The following MYT1 variants were observed in gnomAD, a reference collection of about 807,000 sequenced individuals.
The protein encoded by MYT1 is myelin transcription factor I.
Under a neutral mutation model 123.0 loss-of-function variants are expected in MYT1, and 23 were observed. The ratio of observed to expected loss-of-function variants is 0.19; its 90% confidence interval spans 0.13 to 0.26. MYT1 has a LOEUF of 0.26. Among genes scored for constraint, MYT1 ranks in the 10% least tolerant of loss-of-function variants. The pLI is 1.00. For missense variants in MYT1, 1,125 were observed against 1,472.5 expected (o/e 0.76, Z 3.86); for synonymous variants, 518 against 575.3 (o/e 0.90, Z 1.43).
chr20:64,208,283 G>A lies in MYT1; in HGVS notation c.1087G>A (p.Val363Ile), dbSNP rs145376547. 6.2e-7 allele frequency: 1 copy of A among 1,614,174 alleles called. No homozygotes were observed. The highest frequency in any genetic ancestry group is 1.7e-5 in the Admixed American group (1 of 60,032). The change falls in exon 7 of 23, where the codon GTC becomes ATC. Residue 363 changes from valine to isoleucine, a missense_variant. Physicochemically the swap from Val to Ile is conservative, Grantham distance 29. This residue lies in a region of MYT1 where 429 missense variants were observed against 604.1 expected (regional missense o/e 0.71). Coordinates refer to ENST00000328439, the MANE Select transcript of MYT1 (RefSeq NM_004535.3). This position sits in a 1 kb window ranked among gnomAD's most constrained non-coding sequence, Gnocchi z 5.4. ...GGACACCCACTCCCGGAAGTCAACA[G>A]TCACTGACGAGTCGGAGATGCAGGA... ...DEDTHSRKST[V>I]TDESEMQDMM... is the part of the protein sequence containing the mutation.
Position 64,192,191 on chromosome 20 carries a change from C to G in MYT1, c.-1+2031C>G, listed in dbSNP as rs1285264775. On this transcript the variant is annotated intron_variant, in intron 2 of 22. Transcript: ENST00000328439. This position sits in a 1 kb window ranked among gnomAD's most constrained non-coding sequence, Gnocchi z 5.3. ...CGTGCCCAGGTTCTCGTGGCATCACCAGCTCTTTCATCACTGCTCTGTTTG... is the reference window on the plus strand; with the variant it reads ...CGTGCCCAGGTTCTCGTGGCATCACGAGCTCTTTCATCACTGCTCTGTTTG... Among the ~76,000 whole-genome samples, 1 of 152,228 alleles carries G rather than the reference C, an allele frequency of 6.6e-6. No individual in the cohort carries two copies. Among genetic ancestry groups the G allele is most frequent in the Non-Finnish European group, 1.5e-5 (1 of 68,048 alleles).
intron 1 of MYT1, among the ~76,000 whole-genome samples, chr20:64,181,664 G>A (rs1982655264): frequency 6.6e-6 from 1 of 152,168 alleles, no homozygotes; most frequent in African/African-American, 2.4e-5. Flanking sequence ...TTAGTCGAGG[G>A]AGCCTGAAGG....
chr20:64,208,211 G>A lies in MYT1; in HGVS notation c.1015G>A (p.Glu339Lys), dbSNP rs1456318138. The part of the protein sequence containing the change: ...RGPESPSPKP[E>K]YSVIVEVRSD... ...CCCAGAATCACCCAGTCCCAAGCCT[G>A]AGTACTCTGTTATTGTGGAGGTCCG... Residue 339 changes from glutamate to lysine, a missense_variant, in exon 7 of 23, where the codon GAG (glutamate) becomes AAG (lysine). Glu to Lys is a moderately conservative substitution (Grantham distance 56, BLOSUM62 1). Coordinates refer to ENST00000328439, the MANE Select transcript of MYT1 (RefSeq NM_004535.3). The surrounding 1 kb of genome is among the most constrained non-coding windows in gnomAD (Gnocchi z 5.4). 6.2e-7 allele frequency: 1 copy of A among 1,614,058 alleles called. No individual in the cohort carries two copies. Among genetic ancestry groups the A allele is most frequent in the Non-Finnish European group, 8.5e-7 (1 of 1,180,030 alleles).
Position 64,213,867 on chromosome 20 carries a change from A to G in MYT1, c.1631+220A>G, listed in dbSNP as rs541513126. Among the ~76,000 whole-genome samples, 66 of 152,316 alleles carry G rather than the reference A, an allele frequency of 4.3e-4. 2 individuals are homozygous for G. The South Asian group carries it at 0.012, about 29-fold the overall frequency. ...CCACACAGGACAGAGTCTCATGTCT[A>G]CCACATTCGCCAGTGCCTCAGCCAA... On this transcript the variant is annotated intron_variant, in intron 10 of 22. Coordinates refer to ENST00000328439, the MANE Select transcript of MYT1 (RefSeq NM_004535.3). The surrounding 1 kb of genome is among the most constrained non-coding windows in gnomAD (Gnocchi z 5.6).
At chr20:64,180,759 T>C (rs2145696372) in intron 1 of MYT1, among the ~76,000 whole-genome samples, 1 of 152,162 alleles carries the variant, frequency 6.6e-6, no homozygotes, top group East Asian at 1.9e-4. Flanking sequence ...TTTGTAGCGT[T>C]GAGCGTTATC....
At chr20:64,220,831 GAAGGGTAGGGGCTGGATCAGGCCCCTA>G (rs1983980261) in intron 13 of MYT1, among the ~76,000 whole-genome samples, 1 of 61,042 alleles carries the variant, frequency 1.6e-5, no homozygotes, top group Non-Finnish European at 3.7e-5. Context: ...AGGCCCCTAT[GAAGGGTAGGGGCTGGATCAGGCCCCTA>G]TGAAGGGTGG....
chr20:64,228,065 T>C, intron 18 of MYT1, 94 bp downstream of exon 18: 1 of 1,223,850 alleles, frequency 8.2e-7, no homozygotes, highest in Non-Finnish European at 1.2e-6. Context: ...GATTCCCTTT[T>C]CATTAATACA....
At chr20:64,228,042 A>C (rs1183779939) in intron 18 of MYT1, 71 bp downstream of exon 18, 28 of 1,436,118 alleles carry the variant, frequency 1.9e-5, no homozygotes, top group Non-Finnish European at 2.5e-5. Flanking sequence ...ATAATGTAAA[A>C]AAACTCCTAC....
chr20:64,167,698 C>T lies in MYT1; in HGVS notation c.-99+2959C>T, dbSNP rs1982123689. Among the ~76,000 whole-genome samples the T allele has an allele frequency of 6.6e-6, 1 of 152,198 alleles. No homozygotes were observed. The highest frequency in any genetic ancestry group is 2.4e-5 in the African/African-American group (1 of 41,434). ...CTGGGCGGGAGAGTGGAGCAGGGTG[C>T]CCGCAGGGGCTGGGGGGGCTCTTCT... On this transcript the variant is annotated intron_variant, in intron 1 of 22. Coordinates refer to ENST00000328439, the MANE Select transcript of MYT1 (RefSeq NM_004535.3). This position sits in a 1 kb window ranked among gnomAD's most constrained non-coding sequence, Gnocchi z 6.3.
intron 1 of MYT1, among the ~76,000 whole-genome samples, chr20:64,172,123 C>T (rs941712490): frequency 3.3e-5 from 5 of 152,180 alleles, no homozygotes; most frequent in Admixed American, 2.6e-4. Flanking sequence ...TGTTGGCTCT[C>T]GTGTACTGAC....
At chr20:64,195,870 T>C (rs1180843848) in intron 2 of MYT1, among the ~76,000 whole-genome samples, 2 of 152,226 alleles carry the variant, frequency 1.3e-5, no homozygotes, top group Non-Finnish European at 1.5e-5. Flanking sequence ...AATTTGGCAA[T>C]ATACAATGTA....
intron 6 of MYT1, among the ~76,000 whole-genome samples, chr20:64,206,270 C>T (rs764272202): frequency 4.6e-5 from 7 of 152,154 alleles, no homozygotes; most frequent in Non-Finnish European, 1.0e-4. Context: ...TGAGGAAACA[C>T]CTCAGGTTGA....
At chr20:64,229,154 A>G (rs1229180364) in intron 18 of MYT1, among the ~76,000 whole-genome samples, 1 of 152,252 alleles carries the variant, frequency 6.6e-6, no homozygotes, top group Admixed American at 6.5e-5. Flanking sequence ...AATTTTTACA[A>G]TAAAACTGTA....
At chr20:64,230,322 G>A (rs1016540361) in intron 18 of MYT1, among the ~76,000 whole-genome samples, 2 of 152,082 alleles carry the variant, frequency 1.3e-5, no homozygotes, top group Non-Finnish European at 2.9e-5. Context: ...AGACCAGCCC[G>A]GCCAACATGG....
At chr20:64,223,265 C>T (rs1984065813) in intron 15 of MYT1, 26 bp from the exon 16 acceptor site, 3 of 1,613,960 alleles carry the variant, frequency 1.9e-6, no homozygotes. Context: ...TTGGCTTACC[C>T]CAATATCCCA....
intron 19 of MYT1, among the ~76,000 whole-genome samples, chr20:64,235,715 T>C (rs1299098361): frequency 7.0e-5 from 8 of 114,322 alleles, no homozygotes; most frequent in Non-Finnish European, 8.7e-5. Context: ...TGGCTGGCCG[T>C]GGTGGGTGAC....
At chr20:64,236,734 G>T in intron 20 of MYT1, 88 bp downstream of exon 20, 2 of 1,184,222 alleles carry the variant, frequency 1.7e-6, no homozygotes, top group Non-Finnish European at 2.5e-6. Flanking sequence ...TGGGAAGAAG[G>T]TTAGGGAGAT....
At position 64,222,981 on chromosome 20, in the gene MYT1, TGGA is replaced by T. The variant is rs1984053990; in HGVS notation, c.2397-124_2397-122del. 3.2e-6 allele frequency: 3 copies of T among 924,242 alleles called. No individual in the cohort carries two copies. The Admixed American group carries it at 5.4e-5, about 17-fold the overall frequency. 57.3% of individuals were successfully genotyped at this position (924,242 alleles called of 1,614,324 possible). A position where few individuals can be genotyped will look rare whatever the true frequency, so the allele number is the denominator to read the frequency against. On this transcript the variant is annotated intron_variant, in intron 14 of 22. Transcript: ENST00000328439. Reference sequence around the variant, plus strand: ...CACCGGCTGTCCTCCAAGGACTGAGTGGAGGAGGGGCCACCGCTTGGCTCGCGG... The same window carrying T: ...CACCGGCTGTCCTCCAAGGACTGAGTGGAGGGGCCACCGCTTGGCTCGCGG...
chr20:64,187,066 C>G (rs1227143498), intron 1 of MYT1, among the ~76,000 whole-genome samples: 52 of 107,108 alleles, frequency 4.9e-4, no homozygotes, highest in African/African-American at 8.0e-4. Context: ...TCCGTGGAGA[C>G]TTTTCCTGTA....
Sources: allele counts gnomAD v4.1 joint callset (sites outside exome capture counted in the v4.1 genomes callset), GRCh38; gene constraint gnomAD v4.1.1; regional missense constraint gnomAD v4.1.1; non-coding constraint Gnocchi (gnomAD v3.1); transcripts MANE v1.5; gene names NCBI Gene and HGNC (gene_info 2026-07-23, HGNC 2026-07-21).